Variants in PCSK5 observed in about 807,000 individuals in gnomAD.
The protein encoded by PCSK5 is prohormone convertase 5.
In PCSK5, 129 loss-of-function variants were observed where a neutral mutation model predicts 233.2. The ratio of observed to expected loss-of-function variants is 0.55; its 90% CI spans 0.48 to 0.64. The LOEUF (loss-of-function observed/expected upper bound fraction) is 0.64. PCSK5 is among the 30% of genes least tolerant of loss of function. The pLI is 0.00. For synonymous variants in PCSK5, 825 were observed against 879.2 expected (o/e 0.94, Z 1.09); for missense variants, 2,076 against 2,430.1 (o/e 0.85, Z 3.06).
At chr9:76,294,169 C>G (rs920423621) in intron 25 of PCSK5, among the ~76,000 whole-genome samples, 1 of 150,390 alleles carries the variant, frequency 6.6e-6, no homozygotes, top group East Asian at 1.9e-4. Context: ...TGCACTCCAG[C>G]CTCAGTGACA....
chr9:76,127,618 A>T (rs62560884), intron 9 of PCSK5, among the ~76,000 whole-genome samples: 21,810 of 152,238 alleles, frequency 0.14, 1,899 homozygotes, highest in South Asian at 0.2. Flanking sequence ...ACTAAAAAAC[A>T]TATTACTAAA....
At chr9:76,238,024 A>T (rs1461218698) in intron 22 of PCSK5, among the ~76,000 whole-genome samples, 5 of 152,146 alleles carry the variant, frequency 3.3e-5, no homozygotes, top group Non-Finnish European at 5.9e-5. Flanking sequence ...GGTAGATCAC[A>T]TGACGAATGA....
intron 9 of PCSK5, among the ~76,000 whole-genome samples, chr9:76,114,030 A>G (rs1290458886): frequency 6.6e-6 from 1 of 152,144 alleles, no homozygotes; most frequent in African/African-American, 2.4e-5. Context: ...AGGGTAAAGA[A>G]GCAGGTATTC....
chr9:76,111,333 T>C (rs1017244672), intron 9 of PCSK5, among the ~76,000 whole-genome samples: 11 of 152,190 alleles, frequency 7.2e-5, no homozygotes, highest in African/African-American at 2.4e-4. Context: ...TTTTCCTGGG[T>C]TGGAGCCTCT....
chr9:75,981,599 C>T (rs1216610744), intron 2 of PCSK5, among the ~76,000 whole-genome samples: 8 of 152,194 alleles, frequency 5.3e-5, no homozygotes. Flanking sequence ...CCTACCCAGG[C>T]AGGAGGACAG....
intron 5 of PCSK5, among the ~76,000 whole-genome samples, chr9:76,041,569 C>T (rs745797131): frequency 1.6e-4 from 24 of 152,150 alleles, no homozygotes; most frequent in South Asian, 6.2e-4. Context: ...TGGCCAGGTG[C>T]GGTGGCTCAC....
chr9:75,973,503 C>A (rs1825887338), intron 2 of PCSK5, among the ~76,000 whole-genome samples: 1 of 152,146 alleles, frequency 6.6e-6, no homozygotes, highest in African/African-American at 2.4e-5. Context: ...GTAAATCACT[C>A]CGGAGCACCT....
At chr9:76,233,317 G>T (rs767276525) in intron 21 of PCSK5, 143 bp from the exon 22 acceptor site, 73 of 770,560 alleles carry the variant, frequency 9.5e-5, no homozygotes, top group Non-Finnish European at 1.5e-4. Flanking sequence ...CATGTTCTAA[G>T]ATGATCACTC....
chr9:75,930,878 T>C (rs1823759016), intron 1 of PCSK5, among the ~76,000 whole-genome samples: 1 of 152,094 alleles, frequency 6.6e-6, no homozygotes, highest in Non-Finnish European at 1.5e-5. Context: ...AAAATGGGCC[T>C]GTAAAACCCT....
In PCSK5 at chr9:76,360,069, C is replaced by T. The variant is rs1043532359; in HGVS notation, c.*1147C>T. On this transcript the variant is annotated 3_prime_UTR_variant, in exon 38 of 38. Coordinates refer to ENST00000674117, the MANE Select transcript of PCSK5 (RefSeq NM_001372043.1). ...GACAGTTTTTGTCCAGATTGTAACA[C>T]AGAGAAGGGCTCTTGCTATGCAAAA... is the stretch of plus-strand genomic sequence containing the variant. 2.0e-5 allele frequency: 3 copies of T among 152,142 alleles called. No individual in the cohort carries two copies. Among genetic ancestry groups the T allele is most frequent in the Admixed American group, 6.6e-5 (1 of 15,262 alleles). 9.4% of individuals were successfully genotyped at this position (152,142 alleles called of 1,614,324 possible). A position where few individuals can be genotyped will look rare whatever the true frequency, so the allele number is the denominator to read the frequency against.
At chr9:76,217,179 T>C (rs1246977459) in intron 20 of PCSK5, among the ~76,000 whole-genome samples, 1 of 152,202 alleles carries the variant, frequency 6.6e-6, no homozygotes, top group Non-Finnish European at 1.5e-5. Flanking sequence ...AGGAATAATA[T>C]TACCTGATAT....
chr9:76,254,994 T>A (rs142773614), intron 24 of PCSK5, among the ~76,000 whole-genome samples: 2 of 152,184 alleles, frequency 1.3e-5, no homozygotes, highest in Non-Finnish European at 1.5e-5. Context: ...AGTATTTTTT[T>A]AAAACGCCCT....
intron 24 of PCSK5, among the ~76,000 whole-genome samples, chr9:76,260,916 A>G (rs919199870): frequency 6.6e-6 from 1 of 152,208 alleles, no homozygotes; most frequent in African/African-American, 2.4e-5. Context: ...TATAAATATT[A>G]TTAATGGGGT....
intron 20 of PCSK5, chr9:76,194,629 A>G (rs751625744): frequency 2.9e-6 from 1 of 348,132 alleles, no homozygotes; most frequent in Non-Finnish European, 5.8e-6. Context: ...AAATATTTTC[A>G]CTGGTTTTCT....
intron 10 of PCSK5, among the ~76,000 whole-genome samples, chr9:76,135,637 A>G (rs887672925): frequency 1.3e-5 from 2 of 152,126 alleles, no homozygotes; most frequent in Non-Finnish European, 2.9e-5. Flanking sequence ...CGGAAAATCC[A>G]GGATGTAATT....
chr9:75,965,367 C>A (rs1346533862), intron 2 of PCSK5, among the ~76,000 whole-genome samples: 1 of 151,646 alleles, frequency 6.6e-6, no homozygotes, highest in South Asian at 2.1e-4. Flanking sequence ...AGAGGTCCCA[C>A]GATTTGCGTC....
chr9:75,950,991 A>C (rs1482446709), intron 2 of PCSK5, among the ~76,000 whole-genome samples: 1 of 152,222 alleles, frequency 6.6e-6, no homozygotes, highest in Non-Finnish European at 1.5e-5. Flanking sequence ...AAAGATTTGT[A>C]GATTTGGGAA....
intron 32 of PCSK5, among the ~76,000 whole-genome samples, chr9:76,326,294 G>A (rs901212968): frequency 2.6e-5 from 4 of 152,090 alleles, no homozygotes. Context: ...GCTGAGATGG[G>A]GGGATCACTT....
chr9:76,207,298 T>G (rs1825156889), intron 20 of PCSK5, among the ~76,000 whole-genome samples: 1 of 152,182 alleles, frequency 6.6e-6, no homozygotes, highest in Non-Finnish European at 1.5e-5. Flanking sequence ...TTTTACGGCC[T>G]CCCACACTTG....
Sources: gnomAD v4.1 joint callset for allele counts (sites outside exome capture counted in the v4.1 genomes callset) on GRCh38, gnomAD v4.1.1 for gene constraint, MANE v1.5 for transcripts, NCBI Gene and HGNC (gene_info 2026-07-23, HGNC 2026-07-21) for gene names.